Variants in TANC2 observed in about 807,000 individuals in gnomAD.
The protein encoded by TANC2 is protein TANC2.
In TANC2, 26 loss-of-function variants were observed where a neutral mutation model predicts 210.5. The observed-to-expected ratio is 0.12, with a 90% CI of 0.09 to 0.17. The LOEUF is 0.17. Among genes scored for constraint, TANC2 ranks in the 10% least tolerant of loss-of-function variants. TANC2 has a pLI of 1.00. For synonymous variants in TANC2, 931 were observed against 967.1 expected (o/e 0.96, Z 0.69); for missense variants, 2,129 against 2,608.9 (o/e 0.82, Z 4.01).
At position 63,351,230 on chromosome 17, in the gene TANC2, T is replaced by C. The variant is rs376068393; in HGVS notation, c.1808-20T>C. The stretch of plus-strand genomic sequence containing the variant: ...TATCCACTTGGTAATTATTAAGTAA[T>C]GTGTTTCTTTCTATCTCAGAGAGAA... On this transcript the variant is annotated intron_variant, in intron 12 of 27. Coordinates refer to ENST00000689528, the Ensembl canonical transcript of TANC2. 9.9e-4 allele frequency: 1,564 copies of C among 1,581,140 alleles called. 3 individuals carry two copies. The highest frequency in any genetic ancestry group is 1.3e-3 in the Non-Finnish European group (1,468 of 1,164,430).
At position 63,401,217 on chromosome 17, in the gene TANC2, G is replaced by A. The variant is rs115176419; in HGVS notation, c.3331+2303G>A. ...CCTATACATATTTTCACATACAAAA[G>A]TGGTCTGTGACCCAAAGCTAGTTGG... On this transcript the variant is annotated intron_variant, in intron 19 of 27. Coordinates refer to ENST00000689528, the Ensembl canonical transcript of TANC2. Among the ~76,000 whole-genome samples, 631 of 152,212 alleles carry A rather than the reference G, an allele frequency of 4.1e-3. 5 individuals are homozygous for A. The highest frequency in any genetic ancestry group is 0.013 in the African/African-American group (547 of 41,514).
chr17:63,103,717 G>A (rs1234564839), intron 4 of TANC2, among the ~76,000 whole-genome samples: 2 of 152,154 alleles, frequency 1.3e-5, no homozygotes, highest in Admixed American at 6.5e-5. Context: ...TGTAAAAATT[G>A]CTTTTCATGT....
chr17:63,013,579 T>C (rs1477282004), intron 2 of TANC2, among the ~76,000 whole-genome samples: 2 of 152,038 alleles, frequency 1.3e-5, no homozygotes, highest in Non-Finnish European at 2.9e-5. Context: ...CTGGCCAACA[T>C]GGCGAAATCC....
chr17:63,137,746 C>T (rs2039140583), intron 4 of TANC2, among the ~76,000 whole-genome samples: 1 of 151,852 alleles, frequency 6.6e-6, no homozygotes, highest in Non-Finnish European at 1.5e-5. Context: ...CTATTCTAGG[C>T]ATTGTAATAT....
intron 7 of TANC2, among the ~76,000 whole-genome samples, chr17:63,233,341 T>C (rs942264881): frequency 6.6e-6 from 1 of 151,872 alleles, no homozygotes; most frequent in Non-Finnish European, 1.5e-5. Context: ...ACCCTGGTGG[T>C]GTGTGTGGGC....
intron 5 of TANC2, among the ~76,000 whole-genome samples, chr17:63,189,414 T>C (rs1229273532): frequency 6.6e-6 from 1 of 152,230 alleles, no homozygotes; most frequent in African/African-American, 2.4e-5. Context: ...AATTTCACTA[T>C]TTCTTATTGC....
intron 15 of TANC2, chr17:63,388,025 C>G (rs2047840577): frequency 1.3e-5 from 2 of 152,408 alleles, no homozygotes; most frequent in Non-Finnish European, 2.9e-5. Context: ...CAGGCTCCTT[C>G]CGTGTAGTAG....
chr17:63,120,470 C>G (rs2038419363), intron 4 of TANC2, among the ~76,000 whole-genome samples: 1 of 152,112 alleles, frequency 6.6e-6, no homozygotes. Flanking sequence ...TTTAGCCCCT[C>G]AATTTCAAAC....
chr17:63,371,432 C>G (rs1428215443), intron 14 of TANC2, among the ~76,000 whole-genome samples: 1 of 150,974 alleles, frequency 6.6e-6, no homozygotes, highest in Non-Finnish European at 1.5e-5. Flanking sequence ...CACCATTGCA[C>G]TCCAGCTTGG....
intron 4 of TANC2, chr17:63,125,082 A>T (rs1395810533): frequency 2.0e-5 from 3 of 152,176 alleles, no homozygotes; most frequent in Non-Finnish European, 2.9e-5. Flanking sequence ...AGCTGAAAGG[A>T]TCCCTAAAGC....
At chr17:62,981,774 C>T (rs563612056) in intron 1 of TANC2, among the ~76,000 whole-genome samples, 125 of 152,256 alleles carry the variant, frequency 8.2e-4, no homozygotes, top group Non-Finnish European at 1.4e-3. Context: ...TACTCCCTCA[C>T]GTTTGATAAT....
chr17:63,151,206 TTCTC>T (rs1038096469), intron 4 of TANC2, 60 bp from the exon 5 acceptor site: 1 of 774,168 alleles, frequency 1.3e-6, no homozygotes, highest in Non-Finnish European at 1.6e-6. Flanking sequence ...CTCCCTTCCT[TTCTC>T]TTTCTTTCTC....
At chr17:63,108,483 T>C (rs2037909969) in intron 4 of TANC2, among the ~76,000 whole-genome samples, 1 of 151,802 alleles carries the variant, frequency 6.6e-6, no homozygotes, top group African/African-American at 2.4e-5. Context: ...TTCTTATACT[T>C]GTATTGTTTT....
At chr17:63,194,302 T>G (rs2041274439) in intron 6 of TANC2, among the ~76,000 whole-genome samples, 163 bp downstream of exon 6, 3 of 152,242 alleles carry the variant, frequency 2.0e-5, no homozygotes, top group Admixed American at 2.0e-4. Flanking sequence ...GCTTTAGTCT[T>G]AGATTTAACA....
At chr17:63,354,307 A>G (rs952417218) in intron 13 of TANC2, among the ~76,000 whole-genome samples, 3 of 152,126 alleles carry the variant, frequency 2.0e-5, no homozygotes, top group Non-Finnish European at 2.9e-5. Flanking sequence ...AAATGTAGTC[A>G]TTTTATACAT....
chr17:62,993,280 C>G (rs2032956285), intron 1 of TANC2, among the ~76,000 whole-genome samples: 1 of 152,086 alleles, frequency 6.6e-6, no homozygotes, highest in African/African-American at 2.4e-5. Flanking sequence ...TGATTTTGTT[C>G]TTGCTTTTTA....
intron 1 of TANC2, among the ~76,000 whole-genome samples, chr17:62,982,344 C>A (rs954981358): frequency 6.6e-6 from 1 of 152,148 alleles, no homozygotes; most frequent in Non-Finnish European, 1.5e-5. Context: ...ACACAGGATT[C>A]CCCCTTTATA....
intron 5 of TANC2, among the ~76,000 whole-genome samples, chr17:63,169,038 G>A (rs2040309329): frequency 6.6e-6 from 1 of 152,162 alleles, no homozygotes; most frequent in Non-Finnish European, 1.5e-5. Context: ...GCTTTGGAAA[G>A]GAAAGAAAGG....
At chr17:63,137,975 AT>A (rs1232364238) in intron 4 of TANC2, among the ~76,000 whole-genome samples, 1 of 151,850 alleles carries the variant, frequency 6.6e-6, no homozygotes, top group Non-Finnish European at 1.5e-5. Context: ...CCTGTTCTCC[AT>A]TTTTCCTGGG....
Sources: gnomAD v4.1 joint callset for allele counts (sites outside exome capture counted in the v4.1 genomes callset) on GRCh38, gnomAD v4.1.1 for gene constraint, MANE v1.5 for transcripts, NCBI Gene and HGNC (gene_info 2026-07-23, HGNC 2026-07-21) for gene names.